The following ZNF462 variants were observed in gnomAD, a reference collection of about 807,000 sequenced individuals.
ZNF462 encodes the protein zinc finger protein 462, also known as zinc finger PBX1-interacting protein.
Under a neutral mutation model 201.9 loss-of-function variants are expected in ZNF462, and 10 were observed. The ratio of observed to expected loss-of-function variants is 0.05; its 90% CI spans 0.03 to 0.08. The LOEUF (loss-of-function observed/expected upper bound fraction) is 0.08. ZNF462 is among the 10% of genes least tolerant of loss of function. ZNF462 has a pLI of 1.00. For synonymous variants in ZNF462, 1,227 were observed against 1,193.3 expected (o/e 1.03, Z -0.58); for missense variants, 2,523 against 3,168.3 (o/e 0.80, Z 4.89).
chr9:106,926,382 A>G lies in ZNF462; in HGVS notation c.2470A>G (p.Ile824Val). ...NTALLNTQTP[I>V]YGTEHNSENT... The stretch of plus-strand genomic sequence containing the variant: ...TGCTCTGCTGAATACCCAAACTCCC[A>G]TCTATGGGACTGAGCACAATAGTGA... Residue 824 changes from isoleucine (I) to valine (V), a missense_variant, in exon 3 of 13, where the codon ATC becomes GTC. Around this residue, in one of 15 missense-constraint regions of ZNF462, gnomAD observed 383 missense variants for 453.4 expected, o/e 0.84. Transcript: ENST00000277225. This position sits in a 1 kb window ranked among gnomAD's most constrained non-coding sequence, Gnocchi z 7.9. 3.7e-6 allele frequency: 6 copies of G among 1,614,174 alleles called. No homozygotes were observed. The highest frequency in any genetic ancestry group is 5.1e-6 in the Non-Finnish European group (6 of 1,180,022).
intron 10 of ZNF462, among the ~76,000 whole-genome samples, chr9:106,986,316 G>A (rs1827827297): frequency 6.6e-6 from 1 of 152,284 alleles, no homozygotes; most frequent in East Asian, 1.9e-4. Flanking sequence ...AAAGATCTGG[G>A]TTTTAATCTT....
rs114170406 is a variant in ZNF462, at chr9:106,993,610, C to T, written c.7056+9201C>T. On this transcript the variant is annotated intron_variant, in intron 10 of 12. Coordinates refer to ENST00000277225, the MANE Select transcript of ZNF462 (RefSeq NM_021224.6). The surrounding 1 kb of genome is among the most constrained non-coding windows in gnomAD (Gnocchi z 4.0). ...GACTAGTGTAGTCTCTCCCTCCTCT[C>T]CCCCTCCCCTTTACTTCCCTCTCCC... is the stretch of plus-strand genomic sequence containing the variant. Among the ~76,000 whole-genome samples, 3,270 of 151,428 alleles carry T rather than the reference C, an allele frequency of 0.022. 111 individuals are homozygous for T. Among genetic ancestry groups the T allele is most frequent in the African/African-American group, 0.075 (3,089 of 41,252 alleles).
Position 106,886,882 on chromosome 9 carries a change from G to C in ZNF462, c.-31+23527G>C, listed in dbSNP as rs1458943628. 6.6e-6 allele frequency among the ~76,000 whole-genome samples: 1 copy of C among 152,116 alleles called. No individual in the cohort carries two copies. The highest frequency in any genetic ancestry group is 1.5e-5 in the Non-Finnish European group (1 of 68,024). On this transcript the variant is annotated intron_variant, in intron 1 of 12. Coordinates refer to ENST00000277225, the MANE Select transcript of ZNF462 (RefSeq NM_021224.6). This position sits in a 1 kb window ranked among gnomAD's most constrained non-coding sequence, Gnocchi z 4.6. Reference sequence around the variant, plus strand: ...TGCCTTGTCTAGGCTTGTTGGAAAAGAGTGTGGAGATCAAGCAGAGAAGTC... The same window carrying C: ...TGCCTTGTCTAGGCTTGTTGGAAAACAGTGTGGAGATCAAGCAGAGAAGTC...
Position 106,928,473 on chromosome 9 carries a change from C to T in ZNF462, c.4561C>T (p.Pro1521Ser). Reference sequence around the variant, plus strand: ...TGCCGTCTACAAATGCAGGCATTGCCCATACATCAACACCCGCATCCACGG... The same window carrying T: ...TGCCGTCTACAAATGCAGGCATTGCTCATACATCAACACCCGCATCCACGG... ...PGAVYKCRHC[P>S]YINTRIHGVL... Residue 1521 changes from proline (P) to serine (S), a missense_variant, in exon 3 of 13, where the codon CCA becomes TCA. Physicochemically the swap from Pro to Ser is moderately conservative, Grantham distance 74. Coordinates refer to ENST00000277225, the MANE Select transcript of ZNF462 (RefSeq NM_021224.6). The surrounding 1 kb of genome is among the most constrained non-coding windows in gnomAD (Gnocchi z 9.3). The T allele has an allele frequency of 3.1e-6, 5 of 1,614,088 alleles. No individual in the cohort carries two copies. The highest frequency in any genetic ancestry group is 3.4e-6 in the Non-Finnish European group (4 of 1,180,034).
In ZNF462 at chr9:106,935,603, A is replaced by T; in HGVS notation, c.6217A>T (p.Ile2073Leu). Residue 2073 changes from isoleucine (I) to leucine (L), a missense_variant, in exon 6 of 13, where the codon ATA (isoleucine) becomes TTA (leucine). This residue lies in a region of ZNF462 where 138 missense variants were observed against 146.3 expected (regional missense o/e 0.94). Coordinates refer to ENST00000277225, the MANE Select transcript of ZNF462 (RefSeq NM_021224.6). The surrounding 1 kb of genome is among the most constrained non-coding windows in gnomAD (Gnocchi z 4.1). ...SSYNSRLKTH[I>L]LKAHAGEHAY... ...CTATAACAGCCGGCTGAAAACACAT[A>T]TACTCAAAGCTCATGCTGGTGAGTT... 1 of 1,613,900 alleles carries T rather than the reference A, an allele frequency of 6.2e-7. No individual in the cohort carries two copies. Among genetic ancestry groups the T allele is most frequent in the Non-Finnish European group, 8.5e-7 (1 of 1,179,868 alleles).
Position 107,003,444 on chromosome 9 carries a change from C to T in ZNF462, c.7189+18C>T, listed in dbSNP as rs375470584. 1.2e-5 allele frequency: 19 copies of T among 1,611,704 alleles called. No homozygotes were observed. Among genetic ancestry groups the T allele is most frequent in the Non-Finnish European group, 1.6e-5 (19 of 1,179,132 alleles). ...AGACAGAGGTTAGTCTCATCCTGCC[C>T]TCCCAATCCCAGATGGCATCTGGCA... On this transcript the variant is annotated intron_variant, in intron 11 of 12. Transcript: ENST00000277225. This position sits in a 1 kb window ranked among gnomAD's most constrained non-coding sequence, Gnocchi z 4.4.
intron 1 of ZNF462, among the ~76,000 whole-genome samples, chr9:106,912,337 AC>A (rs1249112822): frequency 6.6e-6 from 1 of 152,102 alleles, no homozygotes; most frequent in African/African-American, 2.4e-5. Context: ...AGTCTTCCAA[AC>A]ATGTTTCCAA....
At chr9:106,916,906 C>T (rs1333608368) in intron 1 of ZNF462, among the ~76,000 whole-genome samples, 2 of 152,164 alleles carry the variant, frequency 1.3e-5, no homozygotes, top group East Asian at 1.9e-4. Flanking sequence ...TTCCCCTTTA[C>T]AGACAATGAA....
rs1353631728 is a variant in ZNF462 at position 107,009,973 on chromosome 9, C to T, written c.7313+305C>T. Reference sequence around the variant, plus strand: ...ATCCCTTTAGTCTTCATTAGCGTGACATTCTATAATAGAACGTGAATCGAG... The same window carrying T: ...ATCCCTTTAGTCTTCATTAGCGTGATATTCTATAATAGAACGTGAATCGAG... On this transcript the variant is annotated intron_variant, in intron 12 of 12. Transcript: ENST00000277225. This position sits in a 1 kb window ranked among gnomAD's most constrained non-coding sequence, Gnocchi z 6.1. 6.6e-6 allele frequency among the ~76,000 whole-genome samples: 1 copy of T among 152,160 alleles called. No homozygotes were observed. The highest frequency in any genetic ancestry group is 1.5e-5 in the Non-Finnish European group (1 of 68,028).
chr9:106,965,824 A>G (rs1341866654), intron 7 of ZNF462, among the ~76,000 whole-genome samples: 2 of 152,110 alleles, frequency 1.3e-5, no homozygotes, highest in African/African-American at 4.8e-5. Context: ...TTCCTGGATC[A>G]CTGTCGCATA....
Position 107,006,898 on chromosome 9 carries a change from G to A in ZNF462, c.7190-2647G>A, listed in dbSNP as rs529848719. On this transcript the variant is annotated intron_variant, in intron 11 of 12. Coordinates refer to ENST00000277225, the MANE Select transcript of ZNF462 (RefSeq NM_021224.6). The surrounding 1 kb of genome is among the most constrained non-coding windows in gnomAD (Gnocchi z 4.3). ...AAAGTTATTATTTTTATTAGTAGAGGCTGTATTAATCCATTTCTTACAAGG... is the reference window on the plus strand; with the variant it reads ...AAAGTTATTATTTTTATTAGTAGAGACTGTATTAATCCATTTCTTACAAGG... Among the ~76,000 whole-genome samples the A allele has an allele frequency of 1.3e-5, 2 of 152,266 alleles. No individual in the cohort carries two copies. The highest frequency in any genetic ancestry group is 2.1e-4 in the South Asian group (1 of 4,818).
At chr9:106,943,987 GT>G (rs1830997846) in intron 7 of ZNF462, among the ~76,000 whole-genome samples, 1 of 152,160 alleles carries the variant, frequency 6.6e-6, no homozygotes, top group African/African-American at 2.4e-5. Flanking sequence ...GACAAAGAGC[GT>G]TTTAAATATT....
At position 107,013,254 on chromosome 9, in the gene ZNF462, C is replaced by A. The variant is rs774465788; in HGVS notation, c.*2224C>A. Reference sequence around the variant, plus strand: ...AAATATGGGACCATTATCCTTTTAACAAGGCTAGAATGTCATTTTTTTCTT... The same window carrying A: ...AAATATGGGACCATTATCCTTTTAAAAAGGCTAGAATGTCATTTTTTTCTT... On this transcript the variant is annotated 3_prime_UTR_variant, in exon 13 of 13. Transcript: ENST00000277225. 3 of 151,980 alleles carry A rather than the reference C, an allele frequency of 2.0e-5. No homozygotes were observed. Among genetic ancestry groups the A allele is most frequent in the Non-Finnish European group, 4.4e-5 (3 of 67,986 alleles). 9.4% of individuals were successfully genotyped at this position (151,980 alleles called of 1,614,324 possible). A position where few individuals can be genotyped will look rare whatever the true frequency, so the allele number is the denominator to read the frequency against.
At chr9:106,910,703 A>G (rs966278772) in intron 1 of ZNF462, among the ~76,000 whole-genome samples, 1 of 151,476 alleles carries the variant, frequency 6.6e-6, no homozygotes, top group African/African-American at 2.4e-5. Flanking sequence ...TTCTTTGTCT[A>G]TGTTTTGTCT....
chr9:106,894,718 G>A (rs1828737932), intron 1 of ZNF462, among the ~76,000 whole-genome samples: 1 of 152,212 alleles, frequency 6.6e-6, no homozygotes, highest in African/African-American at 2.4e-5. Flanking sequence ...CAGTGAAACA[G>A]CCCTTGAAAC....
intron 1 of ZNF462, among the ~76,000 whole-genome samples, chr9:106,878,812 G>A (rs1827954333): frequency 6.6e-6 from 1 of 152,170 alleles, no homozygotes. Flanking sequence ...TGCTGCTGTG[G>A]TTCGTAATCT....
rs771909599 is a variant in ZNF462 at position 106,925,667 on chromosome 9, G to A, written c.1755G>A (p.Thr585=). ...PPQPQTQPPP[T]QQPQPPTQAA... ...AGCCACAAACACAGCCACCACCAAC[G>A]CAGCAGCCACAGCCACCCACACAAG... The change falls in exon 3 of 13, where the codon ACG becomes ACA. Residue 585 remains threonine, a synonymous_variant. Transcript: ENST00000277225. The surrounding 1 kb of genome is among the most constrained non-coding windows in gnomAD (Gnocchi z 7.9). 1.9e-5 allele frequency: 30 copies of A among 1,613,724 alleles called. No homozygotes were observed. The East Asian group carries it at 2.7e-4, about 14-fold the overall frequency.
intron 1 of ZNF462, among the ~76,000 whole-genome samples, chr9:106,867,065 T>C (rs996802082): frequency 6.6e-6 from 1 of 152,190 alleles, no homozygotes; most frequent in African/African-American, 2.4e-5. Context: ...GAGTTGAACT[T>C]TTCTGGAAGG....
chr9:106,938,920 G>C lies in ZNF462; in HGVS notation c.6240G>C (p.Glu2080Asp). The change falls in exon 7 of 13, where the codon GAG (glutamate) becomes GAC (aspartate). Residue 2080 changes from glutamate (E) to aspartate (D), a missense_variant. Glu to Asp is a conservative substitution (Grantham distance 45, BLOSUM62 2). Transcript: ENST00000277225. This position sits in a 1 kb window ranked among gnomAD's most constrained non-coding sequence, Gnocchi z 4.4. Reference protein sequence around the residue: ...KTHILKAHAGEHAYKCSWCSF... With the variant: ...KTHILKAHAGDHAYKCSWCSF... ...CTTGTCACCATCCTCTTCCAGGTGAGCATGCCTACAAGTGTTCTTGGTGCT... is the reference window on the plus strand; with the variant it reads ...CTTGTCACCATCCTCTTCCAGGTGACCATGCCTACAAGTGTTCTTGGTGCT... 6.2e-7 allele frequency: 1 copy of C among 1,604,688 alleles called. No individual in the cohort carries two copies.
Sources: allele counts gnomAD v4.1 joint callset (sites outside exome capture counted in the v4.1 genomes callset), GRCh38; gene constraint gnomAD v4.1.1; regional missense constraint gnomAD v4.1.1; non-coding constraint Gnocchi (gnomAD v3.1); transcripts MANE v1.5; gene names NCBI Gene and HGNC (gene_info 2026-07-23, HGNC 2026-07-21).